The following ANTXR1 variants were observed in gnomAD, a reference collection of about 807,000 sequenced individuals.
ANTXR1 encodes the protein anthrax toxin receptor 1.
ANTXR1 carries 19 observed loss-of-function variants against 78.1 expected under a neutral mutation model. The ratio of observed to expected loss-of-function variants is 0.24; its 90% CI spans 0.17 to 0.36. The LOEUF is 0.36. ANTXR1 is among the 10% of genes least tolerant of loss of function. The probability of loss-of-function intolerance (pLI) is 1.00; values close to 1 mark genes in which losing one functional copy is unlikely to be tolerated. For missense variants in ANTXR1, 518 were observed against 718.6 expected, an observed-to-expected ratio of 0.72 and a Z score of 3.19; for synonymous variants, 273 against 260.5, an observed-to-expected ratio of 1.05 and a Z score of -0.46.
At chr2:69,176,285 T>A (rs1225321705) in intron 14 of ANTXR1, among the ~76,000 whole-genome samples, 1 of 152,162 alleles carries the variant, frequency 6.6e-6, no homozygotes, top group Non-Finnish European at 1.5e-5. Context: ...TAAACAGATA[T>A]AATGGTGCCA....
At chr2:69,119,956 C>T (rs149923846) in intron 10 of ANTXR1, among the ~76,000 whole-genome samples, 217 of 152,298 alleles carry the variant, frequency 1.4e-3, no homozygotes, top group African/African-American at 4.8e-3. Context: ...ATGCAACATG[C>T]GCTGGCAAGT....
chr2:69,170,107 T>G, intron 13 of ANTXR1, 141 bp from the exon 14 acceptor site: 3 of 826,304 alleles, frequency 3.6e-6, no homozygotes, highest in Non-Finnish European at 6.2e-6. Flanking sequence ...ACACCTCTCA[T>G]GGCAGTGATT....
rs1292973519 is a variant in ANTXR1 at position 69,019,656 on chromosome 2, T to C, written c.152+6005T>C. Among the ~76,000 whole-genome samples the C allele has an allele frequency of 3.3e-5, 5 of 152,290 alleles. No homozygotes were observed. In the East Asian group the frequency reaches 7.7e-4, roughly 23 times the overall value. ...CATAAGAATGTGTCATGGAGTTTTGTTGTACAGATTATTTCATCACCGAGG... is the reference window on the plus strand; with the variant it reads ...CATAAGAATGTGTCATGGAGTTTTGCTGTACAGATTATTTCATCACCGAGG... On this transcript the variant is annotated intron_variant, in intron 1 of 17. Coordinates refer to ENST00000303714, the MANE Select transcript of ANTXR1 (RefSeq NM_032208.3).
In ANTXR1 at chr2:69,159,962, T is replaced by C. The variant is rs187574463; in HGVS notation, c.1047+7698T>C. ...GTTCTTCGCACCGTTAAGAATAACA[T>C]TTAATTTGTAGGGCCAGACAACCCA... On this transcript the variant is annotated intron_variant, in intron 13 of 17. Coordinates refer to ENST00000303714, the MANE Select transcript of ANTXR1 (RefSeq NM_032208.3). Among the ~76,000 whole-genome samples, 7 of 152,312 alleles carry C rather than the reference T, an allele frequency of 4.6e-5. No individual in the cohort carries two copies. In the East Asian group the frequency reaches 1.2e-3, roughly 25 times the overall value.
At position 69,076,169 on chromosome 2, in the gene ANTXR1, G is replaced by A. The variant is rs532128188; in HGVS notation, c.561+511G>A. Among the ~76,000 whole-genome samples, 3 of 152,122 alleles carry A rather than the reference G, an allele frequency of 2.0e-5. No homozygotes were observed. In the South Asian group the frequency reaches 6.2e-4, roughly 32 times the overall value. ...TTTTTTAAATTTTTGTAAAGATAAA[G>A]CCTCACTGTATTGCCCAGGCTGGTC... On this transcript the variant is annotated intron_variant, in intron 7 of 17. Coordinates refer to ENST00000303714, the MANE Select transcript of ANTXR1 (RefSeq NM_032208.3).
intron 17 of ANTXR1, among the ~76,000 whole-genome samples, chr2:69,225,039 C>G (rs1395859995): frequency 1.3e-5 from 2 of 152,032 alleles, no homozygotes. Flanking sequence ...TCCTGGCCAG[C>G]CCCTCTCTTC....
intron 17 of ANTXR1, among the ~76,000 whole-genome samples, chr2:69,241,325 T>C (rs2104532315): frequency 6.6e-6 from 1 of 152,362 alleles, no homozygotes; most frequent in African/African-American, 2.4e-5. Context: ...TAAACTGATC[T>C]TTAGGCCAAT....
At chr2:69,032,139 T>G (rs72895428) in intron 1 of ANTXR1, among the ~76,000 whole-genome samples, 12,927 of 152,226 alleles carry the variant, frequency 0.085, 576 homozygotes, top group Admixed American at 0.13. Flanking sequence ...GTGGAGAAAA[T>G]GCAGATGTTA....
chr2:69,193,546 C>T, intron 17 of ANTXR1, 131 bp downstream of exon 17: 1 of 817,996 alleles, frequency 1.2e-6, no homozygotes, highest in South Asian at 1.4e-5. Context: ...GATTCTAAAA[C>T]AGAGCTAGAA....
At chr2:69,236,162 C>A (rs558278427) in intron 17 of ANTXR1, among the ~76,000 whole-genome samples, 19 of 152,034 alleles carry the variant, frequency 1.2e-4, no homozygotes, top group Non-Finnish European at 2.5e-4. Context: ...ACCCTATCAA[C>A]CAGTTTCATC....
intron 10 of ANTXR1, among the ~76,000 whole-genome samples, chr2:69,113,447 A>C (rs1285375952): frequency 6.6e-6 from 1 of 152,184 alleles, no homozygotes; most frequent in Non-Finnish European, 1.5e-5. Flanking sequence ...ACATCCATTG[A>C]GAGAAGTTGG....
chr2:69,032,933 C>CT (rs1459896692), intron 1 of ANTXR1, among the ~76,000 whole-genome samples: 2 of 152,086 alleles, frequency 1.3e-5, no homozygotes, highest in African/African-American at 4.8e-5. Context: ...ACATAACATT[C>CT]TTTTAGTTAC....
chr2:69,182,939 C>A, intron 16 of ANTXR1: 2 of 447,692 alleles, frequency 4.5e-6, no homozygotes, highest in Admixed American at 3.9e-5. Context: ...AGCATGACCC[C>A]TGGGCAAGGA....
chr2:69,245,257 C>A lies in ANTXR1; in HGVS notation c.1467C>A (p.Asn489Lys), dbSNP rs747799637. ...GCATCAACTTCACCAGGGTCAAGAA[C>A]AACCAGCCAGCCAAGTACCCACTCA... ...GRCINFTRVK[N>K]NQPAKYPLNN... is the part of the protein sequence containing the mutation. Residue 489 changes from asparagine (N) to lysine (K), a missense_variant, in exon 18 of 18, where the codon AAC becomes AAA. This residue lies in a region of ANTXR1 where 192 missense variants were observed against 230.2 expected (regional missense o/e 0.83). Coordinates refer to ENST00000303714, the MANE Select transcript of ANTXR1 (RefSeq NM_032208.3). The A allele has an allele frequency of 6.2e-7, 1 of 1,613,986 alleles. No individual in the cohort carries two copies. Among genetic ancestry groups the A allele is most frequent in the Non-Finnish European group, 8.5e-7 (1 of 1,180,000 alleles).
At chr2:69,084,516 T>G (rs1670989056) in intron 8 of ANTXR1, among the ~76,000 whole-genome samples, 1 of 152,130 alleles carries the variant, frequency 6.6e-6, no homozygotes, top group South Asian at 2.1e-4. Flanking sequence ...TTTGGTATAG[T>G]GTATTAGTGT....
At position 69,140,340 on chromosome 2, in the gene ANTXR1, C is replaced by A. The variant is rs142062147; in HGVS notation, c.952-11829C>A. Among the ~76,000 whole-genome samples, 1,159 of 152,320 alleles carry A rather than the reference C, an allele frequency of 7.6e-3. 17 individuals are homozygous for A. The highest frequency in any genetic ancestry group is 0.025 in the African/African-American group (1,034 of 41,572). On this transcript the variant is annotated intron_variant, in intron 12 of 17. Coordinates refer to ENST00000303714, the MANE Select transcript of ANTXR1 (RefSeq NM_032208.3). ...TAGGATTTATACATCCATATGATTT[C>A]TGCTCCTTCAACGGATTTGCTTTGG...
intron 8 of ANTXR1, among the ~76,000 whole-genome samples, chr2:69,082,668 A>C (rs967186615): frequency 1.3e-5 from 2 of 151,786 alleles, no homozygotes; most frequent in Non-Finnish European, 2.9e-5. Flanking sequence ...GAATCCCAAC[A>C]CTCGGCCTGG....
At chr2:69,138,601 C>A (rs141865855) in intron 12 of ANTXR1, among the ~76,000 whole-genome samples, 2 of 152,094 alleles carry the variant, frequency 1.3e-5, no homozygotes, top group Non-Finnish European at 2.9e-5. Context: ...CAAGGAAATG[C>A]GAAAGGCAGG....
intron 17 of ANTXR1, among the ~76,000 whole-genome samples, chr2:69,219,265 G>T (rs541856999): frequency 6.6e-6 from 1 of 152,140 alleles, no homozygotes; most frequent in South Asian, 2.1e-4. Flanking sequence ...GACTGTAAAG[G>T]CTTCTGTGTG....
Sources: allele counts gnomAD v4.1 joint callset (sites outside exome capture counted in the v4.1 genomes callset), GRCh38; gene constraint gnomAD v4.1.1; regional missense constraint gnomAD v4.1.1; transcripts MANE v1.5; gene names NCBI Gene and HGNC (gene_info 2026-07-23, HGNC 2026-07-21).